PXDN: variants seen among roughly 807,000 people sequenced by gnomAD.
PXDN encodes the protein peroxidasin homolog.
A neutral mutation model predicts 140.3 loss-of-function variants in PXDN; 77 were observed. That is an observed-to-expected ratio of 0.55 (90% CI 0.46 to 0.66). The LOEUF (loss-of-function observed/expected upper bound fraction) is 0.66, where lower values mean the gene tolerates loss of function less well. Among genes scored for constraint, PXDN ranks in the 30% least tolerant of loss-of-function variants. PXDN has a pLI of 0.00. For missense variants in PXDN, 1,838 were observed against 2,039.5 expected (o/e 0.90, Z 1.90); for synonymous variants, 911 against 857.4 (o/e 1.06, Z -1.09).
chr2:1,637,839 G>T lies in PXDN; in HGVS notation c.4206+1007C>A, dbSNP rs62116574. Among the ~76,000 whole-genome samples, 29 of 144,204 alleles carry T rather than the reference G, an allele frequency of 2.0e-4. 4 individuals carry two copies. In the South Asian group the frequency reaches 5.1e-3, roughly 25 times the overall value. The allele number at this position is 144,204 out of a possible 152,430, so 94.6% of individuals were successfully genotyped here. A position where few individuals can be genotyped will look rare whatever the true frequency, so the allele number is the denominator to read the frequency against. On this transcript the variant is annotated intron_variant, in intron 21 of 22. Transcript: ENST00000252804. Reference sequence around the variant, plus strand: ...AGGCTGCGGAGGGAGGAAGACCTGCGGCATGCTGTCCACTCTGACAGCTGC... The same window carrying T: ...AGGCTGCGGAGGGAGGAAGACCTGCTGCATGCTGTCCACTCTGACAGCTGC...
At chr2:1,706,246 G>A (rs1235850126) in intron 1 of PXDN, among the ~76,000 whole-genome samples, 1 of 152,190 alleles carries the variant, frequency 6.6e-6, no homozygotes, top group Non-Finnish European at 1.5e-5. Flanking sequence ...GGGAGGGTGG[G>A]GCTTCCCTGT....
At position 1,649,539 on chromosome 2, in the gene PXDN, G is replaced by T. The variant is rs964078951; in HGVS notation, c.2241C>A (p.Thr747=). The T allele has an allele frequency of 6.2e-7, 1 of 1,614,054 alleles. No homozygotes were observed. Among genetic ancestry groups the T allele is most frequent in the Non-Finnish European group, 8.5e-7 (1 of 1,179,902 alleles). ...FHQKYRTHDG[T]CNNLQHPMWG... ...ACATGGGGTGCTGCAGGTTGTTACA[G>T]GTGCCGTCGTGCGTCCGGTACTTCT... The change falls in exon 17 of 23, where the codon ACC becomes ACA. Residue 747 remains threonine (T), a synonymous_variant. Transcript: ENST00000252804. This position sits in a 1 kb window ranked among gnomAD's most constrained non-coding sequence, Gnocchi z 7.1.
At chr2:1,642,679 T>C (rs544356121) in intron 19 of PXDN, among the ~76,000 whole-genome samples, 3 of 152,314 alleles carry the variant, frequency 2.0e-5, no homozygotes, top group Admixed American at 2.0e-4. Flanking sequence ...AAATTAGTAA[T>C]GGAAATGGAG....
rs769277895 is a variant in PXDN at position 1,742,403 on chromosome 2, G to A, written c.200+1853C>T. ...AATGGATGCAAATGTACCCTATGAG[G>A]AAGTGTTGTGCGAGTGGACGATGAT... On this transcript the variant is annotated intron_variant, in intron 1 of 22. Transcript: ENST00000252804. Among the ~76,000 whole-genome samples the A allele has an allele frequency of 6.6e-5, 10 of 152,198 alleles. 1 individual carries two copies. The highest frequency in any genetic ancestry group is 2.0e-4 in the Admixed American group (3 of 15,286).
At chr2:1,719,350 C>T (rs902910959) in intron 1 of PXDN, among the ~76,000 whole-genome samples, 1 of 152,204 alleles carries the variant, frequency 6.6e-6, no homozygotes, top group Non-Finnish European at 1.5e-5. Flanking sequence ...GTCCCAGGCC[C>T]TCCTGGGTCT....
chr2:1,638,752 C>T, intron 21 of PXDN, 94 bp downstream of exon 21: 3 of 1,564,932 alleles, frequency 1.9e-6, no homozygotes, highest in East Asian at 2.2e-5. Context: ...TGAACAGTTG[C>T]CTGGGAATAA....
intron 1 of PXDN, among the ~76,000 whole-genome samples, chr2:1,739,555 A>G (rs918978013): frequency 1.3e-5 from 2 of 152,224 alleles, no homozygotes; most frequent in Non-Finnish European, 2.9e-5. Context: ...CTTTCCAGAC[A>G]CGTGGCACTC....
chr2:1,681,367 C>A (rs62116598), intron 6 of PXDN, among the ~76,000 whole-genome samples: 24,959 of 151,666 alleles, frequency 0.16, 3,467 homozygotes, highest in African/African-American at 0.38. Flanking sequence ...AAATAGTCTG[C>A]GAGCCTAAAT....
At chr2:1,647,933 A>G (rs896670245) in intron 17 of PXDN, among the ~76,000 whole-genome samples, 2 of 152,164 alleles carry the variant, frequency 1.3e-5, no homozygotes, top group Non-Finnish European at 2.9e-5. Flanking sequence ...TTGGAACAAA[A>G]CAGGCCGGTG....
intron 1 of PXDN, among the ~76,000 whole-genome samples, chr2:1,694,836 C>A (rs1359657283): frequency 1.3e-5 from 2 of 152,138 alleles, no homozygotes; most frequent in African/African-American, 2.4e-5. Context: ...AGATCAAGTA[C>A]AGATAAGGAG....
chr2:1,737,492 C>G (rs1685448672), intron 1 of PXDN, among the ~76,000 whole-genome samples: 1 of 151,922 alleles, frequency 6.6e-6, no homozygotes, highest in African/African-American at 2.4e-5. Flanking sequence ...TTTGCTGTGG[C>G]CTTTTGGATC....
intron 1 of PXDN, among the ~76,000 whole-genome samples, chr2:1,731,557 C>T (rs149035380): frequency 1.4e-4 from 21 of 152,292 alleles, no homozygotes; most frequent in African/African-American, 5.1e-4. Context: ...ATCCTTGGGT[C>T]AATGTCAGAG....
chr2:1,691,914 G>A lies in PXDN; in HGVS notation c.344+14C>T. ...CCATAAGCTTTTAGGTTAAAGAACT[G>A]ATCATTAACTTACAGATATTTTAAA... On this transcript the variant is annotated intron_variant, in intron 3 of 22. Transcript: ENST00000252804. 1 of 1,446,446 alleles carries A rather than the reference G, an allele frequency of 6.9e-7. No individual in the cohort carries two copies. Among genetic ancestry groups the A allele is most frequent in the Non-Finnish European group, 9.3e-7 (1 of 1,071,460 alleles). The allele number at this position is 1,446,446 out of a possible 1,614,324, so 89.6% of individuals were successfully genotyped here. A position where few individuals can be genotyped will look rare whatever the true frequency, so the allele number is the denominator to read the frequency against.
At chr2:1,708,033 G>A (rs1018816301) in intron 1 of PXDN, among the ~76,000 whole-genome samples, 2 of 152,214 alleles carry the variant, frequency 1.3e-5, no homozygotes, top group African/African-American at 4.8e-5. Context: ...CCGAGAACAA[G>A]GGGGGCACGC....
At chr2:1,684,176 G>A in intron 4 of PXDN, 25 bp from the exon 5 acceptor site, 12 of 1,532,226 alleles carry the variant, frequency 7.8e-6, no homozygotes, top group South Asian at 1.2e-5. Flanking sequence ...AGAAAAAAAA[G>A]TATAACTTAC....
At chr2:1,677,088 G>C (rs764608693) in intron 7 of PXDN, 44 bp from the exon 8 acceptor site, 1 of 1,486,624 alleles carries the variant, frequency 6.7e-7, no homozygotes, top group South Asian at 1.3e-5. Context: ...TCTAAACCAT[G>C]ACATGAAAAT....
intron 13 of PXDN, 71 bp from the exon 14 acceptor site, chr2:1,661,108 G>C (rs912177540): frequency 5.1e-6 from 8 of 1,559,598 alleles, no homozygotes; most frequent in Non-Finnish European, 7.0e-6. Context: ...ACCTAGGGTT[G>C]GGGGAGGGGA....
intron 1 of PXDN, among the ~76,000 whole-genome samples, chr2:1,695,942 A>G (rs1261018149): frequency 4.4e-5 from 5 of 113,480 alleles, no homozygotes; most frequent in African/African-American, 1.0e-4. Flanking sequence ...ACAAGCCCCT[A>G]TGCCCTGGGT....
intron 7 of PXDN, among the ~76,000 whole-genome samples, chr2:1,679,719 CTGTG>C (rs565815199): frequency 4.5e-5 from 5 of 112,006 alleles, no homozygotes; most frequent in African/African-American, 1.1e-4. Context: ...TCTATAAATG[CTGTG>C]TGTGTGTGGA....
Sources: gnomAD v4.1 joint callset for allele counts (sites outside exome capture counted in the v4.1 genomes callset) on GRCh38, gnomAD v4.1.1 for gene constraint, Gnocchi (gnomAD v3.1) non-coding constraint, MANE v1.5 for transcripts, NCBI Gene and HGNC (gene_info 2026-07-23, HGNC 2026-07-21) for gene names.